Variants in GNAQ observed in about 807,000 individuals in gnomAD.
GNAQ encodes guanine nucleotide-binding protein G(q) subunit alpha.
A neutral mutation model predicts 43.9 loss-of-function variants in GNAQ; 8 were observed. The ratio of observed to expected loss-of-function variants is 0.18; its 90% CI spans 0.11 to 0.33. The LOEUF is 0.33. GNAQ is among the 10% of genes least tolerant of loss of function. The pLI, the probability that GNAQ is intolerant of heterozygous loss-of-function variation, is 1.00. For missense variants in GNAQ, 158 were observed against 450.8 expected (o/e 0.35, Z 5.88); for synonymous variants, 155 against 170.7 (o/e 0.91, Z 0.71).
chr9:77,758,082 GAAA>G (rs1038164777), intron 5 of GNAQ, among the ~76,000 whole-genome samples: 11 of 152,322 alleles, frequency 7.2e-5, no homozygotes, highest in African/African-American at 2.6e-4. Flanking sequence ...GTCGAAGTCA[GAAA>G]AAAGTTTATC....
chr9:77,833,646 C>T (rs1390635454), intron 2 of GNAQ, among the ~76,000 whole-genome samples: 1 of 152,182 alleles, frequency 6.6e-6, no homozygotes, highest in African/African-American at 2.4e-5. Flanking sequence ...TGAGAACTGA[C>T]AAGTTTTCCT....
chr9:78,029,805 T>C (rs1824027222), intron 1 of GNAQ, among the ~76,000 whole-genome samples: 1 of 152,162 alleles, frequency 6.6e-6, no homozygotes, highest in South Asian at 2.1e-4. Context: ...CAACTAACAG[T>C]ACAATATTCT....
At chr9:77,762,282 C>T (rs1157369303) in intron 5 of GNAQ, among the ~76,000 whole-genome samples, 1 of 146,610 alleles carries the variant, frequency 6.8e-6, no homozygotes, top group East Asian at 2.1e-4. Context: ...CCAGCCGCCC[C>T]GTCCGGGAGG....
At chr9:77,857,005 C>G (rs964514400) in intron 2 of GNAQ, among the ~76,000 whole-genome samples, 11 of 152,204 alleles carry the variant, frequency 7.2e-5, no homozygotes, top group Non-Finnish European at 1.0e-4. Context: ...CCCTCTGTCA[C>G]CATGCCCTCC....
At chr9:77,816,081 T>A (rs1827009222) in intron 2 of GNAQ, among the ~76,000 whole-genome samples, 1 of 152,130 alleles carries the variant, frequency 6.6e-6, no homozygotes, top group Non-Finnish European at 1.5e-5. Flanking sequence ...TTTTCACATA[T>A]TATCATAATC....
At chr9:77,978,452 T>C (rs1033850393) in intron 1 of GNAQ, among the ~76,000 whole-genome samples, 1 of 152,236 alleles carries the variant, frequency 6.6e-6, no homozygotes, top group African/African-American at 2.4e-5. Flanking sequence ...TCCTGCCTTC[T>C]AGCCTCAGGC....
At chr9:77,724,382 A>G (rs1199441579) in intron 6 of GNAQ, among the ~76,000 whole-genome samples, 2 of 152,054 alleles carry the variant, frequency 1.3e-5, no homozygotes, top group Non-Finnish European at 2.9e-5. Context: ...AGAAGAGAAG[A>G]GACAGGGTTT....
At chr9:77,951,238 C>T (rs1156519136) in intron 1 of GNAQ, among the ~76,000 whole-genome samples, 1 of 151,606 alleles carries the variant, frequency 6.6e-6, no homozygotes, top group Non-Finnish European at 1.5e-5. Flanking sequence ...GCTGGAATTA[C>T]AGGCTCACGC....
intron 1 of GNAQ, among the ~76,000 whole-genome samples, chr9:77,978,632 C>A (rs1823331605): frequency 6.6e-6 from 1 of 152,230 alleles, no homozygotes; most frequent in Admixed American, 6.5e-5. Flanking sequence ...TCCCACAAAA[C>A]CAACAGCAAT....
chr9:77,972,816 G>A (rs1441161489), intron 1 of GNAQ, among the ~76,000 whole-genome samples: 1 of 152,070 alleles, frequency 6.6e-6, no homozygotes, highest in African/African-American at 2.4e-5. Context: ...AGCCGGGCGT[G>A]GTGGTGGGCA....
At chr9:77,843,614 C>T (rs951929706) in intron 2 of GNAQ, among the ~76,000 whole-genome samples, 4 of 151,988 alleles carry the variant, frequency 2.6e-5, no homozygotes, top group African/African-American at 4.8e-5. Context: ...GCATATTTGC[C>T]CTATGAAGTC....
chr9:77,948,572 C>T (rs1822934162), intron 1 of GNAQ, among the ~76,000 whole-genome samples: 1 of 152,032 alleles, frequency 6.6e-6, no homozygotes, highest in Admixed American at 6.5e-5. Flanking sequence ...CCTGTGCATG[C>T]AAGAATTAAC....
At chr9:77,796,727 A>G (rs147122106) in intron 4 of GNAQ, among the ~76,000 whole-genome samples, 74 of 152,324 alleles carry the variant, frequency 4.9e-4, no homozygotes, top group African/African-American at 1.7e-3. Flanking sequence ...AATACAAAAC[A>G]TCACATATTT....
At chr9:78,016,850 G>A (rs1487690246) in intron 1 of GNAQ, among the ~76,000 whole-genome samples, 2 of 152,040 alleles carry the variant, frequency 1.3e-5, no homozygotes, top group Admixed American at 6.6e-5. Flanking sequence ...AATGAATACT[G>A]ATTCAATAAA....
rs561425535 is a variant in GNAQ, at chr9:77,964,076, C to T, written c.137-41731G>A. On this transcript the variant is annotated intron_variant, in intron 1 of 6. Coordinates refer to ENST00000286548, the MANE Select transcript of GNAQ (RefSeq NM_002072.5). ...CTTATGTTGGGAAATGAAGTTAATA[C>T]TTTTTATCTTTTAATCAATTTTTCC... is the stretch of plus-strand genomic sequence containing the variant. Among the ~76,000 whole-genome samples, 10 of 152,220 alleles carry T rather than the reference C, an allele frequency of 6.6e-5. No homozygotes were observed. The South Asian group carries it at 2.1e-3, about 32-fold the overall frequency.
chr9:77,795,276 T>C (rs772727343), intron 4 of GNAQ, among the ~76,000 whole-genome samples: 1 of 152,196 alleles, frequency 6.6e-6, no homozygotes, highest in Non-Finnish European at 1.5e-5. Flanking sequence ...ATTTCAATCA[T>C]TTGTTTTTAA....
chr9:78,005,014 T>C (rs1275661692), intron 1 of GNAQ, among the ~76,000 whole-genome samples: 1 of 152,092 alleles, frequency 6.6e-6, no homozygotes, highest in East Asian at 1.9e-4. Flanking sequence ...TCACAATGAA[T>C]GCAATGTAAT....
intron 2 of GNAQ, among the ~76,000 whole-genome samples, chr9:77,910,863 C>T (rs989550668): frequency 6.6e-6 from 1 of 152,180 alleles, no homozygotes; most frequent in African/African-American, 2.4e-5. Flanking sequence ...TTGCTTAACA[C>T]CACACAACAG....
intron 2 of GNAQ, among the ~76,000 whole-genome samples, chr9:77,877,394 A>T (rs1242469603): frequency 5.9e-5 from 9 of 152,204 alleles, no homozygotes. Flanking sequence ...TAATGACGAG[A>T]ATAGGTAAAA....
Sources: gnomAD v4.1 joint callset for allele counts (sites outside exome capture counted in the v4.1 genomes callset) on GRCh38, gnomAD v4.1.1 for gene constraint, MANE v1.5 for transcripts, NCBI Gene and HGNC (gene_info 2026-07-23, HGNC 2026-07-21) for gene names.